The following ARMH1 variants were observed in gnomAD, a reference collection of about 807,000 sequenced individuals.
The protein encoded by ARMH1 is armadillo-like helical domain containing protein 1.
ARMH1 carries 34 observed loss-of-function variants against 50.2 expected under a neutral mutation model. The ratio of observed to expected loss-of-function variants is 0.68; its 90% confidence interval spans 0.51 to 0.90. ARMH1 has a LOEUF of 0.90. Ranked by LOEUF, ARMH1 falls within the 40% of genes least tolerant of loss-of-function variation. ARMH1 has a pLI of 0.00. For missense variants in ARMH1, 538 were observed against 553.9 expected (o/e 0.97, Z 0.29); for synonymous variants, 221 against 224.2 (o/e 0.99, Z 0.13).
At chr1:44,701,176 T>A in intron 5 of ARMH1, 57 bp downstream of exon 5, 1 of 1,448,672 alleles carries the variant, frequency 6.9e-7, no homozygotes, top group Non-Finnish European at 9.2e-7. Flanking sequence ...ATCTTACAAT[T>A]ACCTTCCGCA....
At chr1:44,688,882 CT>C (rs1055671662) in intron 1 of ARMH1, among the ~76,000 whole-genome samples, 3 of 152,034 alleles carry the variant, frequency 2.0e-5, no homozygotes, top group African/African-American at 4.8e-5. Context: ...TTCCCACTAA[CT>C]TTTTTTTAAG....
intron 2 of ARMH1, among the ~76,000 whole-genome samples, chr1:44,693,279 TC>T (rs1557526283): frequency 6.6e-6 from 1 of 152,192 alleles, no homozygotes; most frequent in Non-Finnish European, 1.5e-5. Context: ...CCTCACCAAG[TC>T]CCTAGCTTTG....
intron 1 of ARMH1, among the ~76,000 whole-genome samples, chr1:44,675,702 G>C (rs1353007606): frequency 1.3e-5 from 2 of 151,482 alleles, no homozygotes; most frequent in African/African-American, 4.9e-5. Context: ...TCTCACCCCT[G>C]TAATCCCAGC....
chr1:44,723,991 C>T, intron 6 of ARMH1, 131 bp from the exon 7 acceptor site: 1 of 1,198,176 alleles, frequency 8.3e-7, no homozygotes. Flanking sequence ...CCAGCTCCCC[C>T]ACGCCCTGCA....
chr1:44,714,580 C>T (rs1432305317), intron 6 of ARMH1, among the ~76,000 whole-genome samples: 8 of 148,206 alleles, frequency 5.4e-5, no homozygotes, highest in East Asian at 2.0e-4. Flanking sequence ...AGTGAAACTC[C>T]GTCTCAAAAA....
At chr1:44,689,541 G>T in intron 1 of ARMH1, 135 bp from the exon 2 acceptor site, 1 of 673,090 alleles carries the variant, frequency 1.5e-6, no homozygotes, top group Non-Finnish European at 2.6e-6. Context: ...ACCAGTTCTA[G>T]AGTATATTTT....
At chr1:44,676,750 G>C (rs1041464750) in intron 1 of ARMH1, among the ~76,000 whole-genome samples, 4 of 152,336 alleles carry the variant, frequency 2.6e-5, no homozygotes, top group Non-Finnish European at 5.9e-5. Flanking sequence ...ATGGGATTGA[G>C]GAAGTGAAGA....
In ARMH1 at chr1:44,712,362, G is replaced by A. The variant is rs553391583; in HGVS notation, c.724+8189G>A. Among the ~76,000 whole-genome samples, 6 of 152,198 alleles carry A rather than the reference G, an allele frequency of 3.9e-5. No individual in the cohort carries two copies. In the South Asian group the frequency reaches 1.2e-3, roughly 32 times the overall value. ...AATCCCAGCTACTTGGGAGGTTGAG[G>A]TAGGAGAATCACTTGAACCTGGGAG... On this transcript the variant is annotated intron_variant, in intron 6 of 11. Coordinates refer to ENST00000535358, the MANE Select transcript of ARMH1 (RefSeq NM_001145636.2).
intron 2 of ARMH1, among the ~76,000 whole-genome samples, chr1:44,694,488 A>G (rs944944966): frequency 6.7e-6 from 1 of 149,748 alleles, no homozygotes. Context: ...GTTACCATTT[A>G]TTGAGTCTTT....
chr1:44,684,848 G>C (rs1189250666), intron 1 of ARMH1, among the ~76,000 whole-genome samples: 1 of 152,170 alleles, frequency 6.6e-6, no homozygotes, highest in African/African-American at 2.4e-5. Flanking sequence ...ATGAGACATA[G>C]AGTTGAAAAC....
At chr1:44,676,198 G>A (rs1645136115) in intron 1 of ARMH1, among the ~76,000 whole-genome samples, 1 of 152,188 alleles carries the variant, frequency 6.6e-6, no homozygotes, top group African/African-American at 2.4e-5. Flanking sequence ...TAGATTCCTG[G>A]TTTGGGCAAA....
intron 1 of ARMH1, among the ~76,000 whole-genome samples, chr1:44,678,768 C>G (rs566242566): frequency 1.4e-4 from 22 of 152,120 alleles, no homozygotes; most frequent in Non-Finnish European, 1.0e-4. Context: ...GGCCTCTTTG[C>G]TTTCAGAAGG....
At chr1:44,700,197 C>T (rs1646005161) in intron 4 of ARMH1, among the ~76,000 whole-genome samples, 1 of 152,212 alleles carries the variant, frequency 6.6e-6, no homozygotes, top group African/African-American at 2.4e-5. Context: ...CTGTCTACCC[C>T]ATGGCCTCTC....
chr1:44,695,056 C>T (rs1348988200), intron 2 of ARMH1, among the ~76,000 whole-genome samples: 1 of 152,166 alleles, frequency 6.6e-6, no homozygotes, highest in Non-Finnish European at 1.5e-5. Context: ...CAGACCACAG[C>T]TCCACCTGCG....
chr1:44,709,013 A>T (rs2148704601), intron 6 of ARMH1, among the ~76,000 whole-genome samples: 1 of 152,254 alleles, frequency 6.6e-6, no homozygotes, highest in South Asian at 2.1e-4. Flanking sequence ...CTTAAAAGAC[A>T]TGTACCAAAA....
intron 6 of ARMH1, among the ~76,000 whole-genome samples, chr1:44,713,040 G>A (rs1259281057): frequency 6.7e-6 from 1 of 150,346 alleles, no homozygotes; most frequent in East Asian, 1.9e-4. Flanking sequence ...TTTTTAAGAC[G>A]GAGTCTCGCT....
At chr1:44,713,683 C>T (rs1646718513) in intron 6 of ARMH1, among the ~76,000 whole-genome samples, 1 of 152,126 alleles carries the variant, frequency 6.6e-6, no homozygotes, top group Non-Finnish European at 1.5e-5. Context: ...CTAACTTCCC[C>T]ATTTGCCTGC....
intron 6 of ARMH1, among the ~76,000 whole-genome samples, chr1:44,721,528 TATAAAC>T (rs1647131728): frequency 1.3e-5 from 2 of 152,130 alleles, no homozygotes; most frequent in Non-Finnish European, 2.9e-5. Context: ...AAAAAAATCT[TATAAAC>T]ATTTAGCTTC....
At chr1:44,676,039 A>T (rs1645129064) in intron 1 of ARMH1, among the ~76,000 whole-genome samples, 1 of 152,156 alleles carries the variant, frequency 6.6e-6, no homozygotes, top group African/African-American at 2.4e-5. Context: ...TTGTTTCAGT[A>T]GTGGGGAAGG....
Sources: gnomAD v4.1 joint callset for allele counts (sites outside exome capture counted in the v4.1 genomes callset) on GRCh38, gnomAD v4.1.1 for gene constraint, MANE v1.5 for transcripts, NCBI Gene and HGNC (gene_info 2026-07-23, HGNC 2026-07-21) for gene names.